Variants in DSCAM observed in about 807,000 individuals in gnomAD.
DSCAM encodes the protein DS cell adhesion molecule, also known as cell adhesion molecule DSCAM.
Under a neutral mutation model 217.7 loss-of-function variants are expected in DSCAM, and 47 were observed. That is an observed-to-expected ratio of 0.22 (90% CI 0.17 to 0.28). The LOEUF is 0.28. DSCAM is among the 10% of genes least tolerant of loss of function. The probability of loss-of-function intolerance (pLI) is 1.00; values close to 1 mark genes in which losing one functional copy is unlikely to be tolerated. For missense variants in DSCAM, 2,080 were observed against 2,618.3 expected (o/e 0.79, Z 4.49); for synonymous variants, 1,056 against 1,015.3 (o/e 1.04, Z -0.76).
chr21:40,182,614 GAAC>G (rs2090825293), intron 14 of DSCAM, among the ~76,000 whole-genome samples: 26 of 136,138 alleles, frequency 1.9e-4, no homozygotes, highest in Admixed American at 4.3e-4. Flanking sequence ...ACCGTGGACA[GAAC>G]GGGCCACCAG....
intron 3 of DSCAM, among the ~76,000 whole-genome samples, chr21:40,405,172 G>A (rs1392148261): frequency 6.6e-6 from 1 of 152,138 alleles, no homozygotes; most frequent in Non-Finnish European, 1.5e-5. Context: ...TTTTCATACT[G>A]AGTGATGCTT....
intron 1 of DSCAM, among the ~76,000 whole-genome samples, chr21:40,728,289 A>G (rs760045315): frequency 6.6e-5 from 10 of 152,226 alleles, no homozygotes; most frequent in Non-Finnish European, 1.2e-4. Context: ...AGTTTCTAGC[A>G]TGTAGCAAAG....
chr21:40,127,173 C>G (rs1038410463), intron 19 of DSCAM, among the ~76,000 whole-genome samples: 2 of 152,096 alleles, frequency 1.3e-5, no homozygotes, highest in African/African-American at 4.8e-5. Flanking sequence ...ATTTATTGTT[C>G]TCTGTACAGT....
At chr21:40,212,136 A>G (rs189394781) in intron 11 of DSCAM, among the ~76,000 whole-genome samples, 29 of 151,734 alleles carry the variant, frequency 1.9e-4, no homozygotes, top group Admixed American at 4.6e-4. Flanking sequence ...CGCCTGGCTA[A>G]TTTTTTTATT....
chr21:40,442,506 A>ATTTTTTTTTTTT (rs869234676), intron 3 of DSCAM, among the ~76,000 whole-genome samples: 6 of 107,130 alleles, frequency 5.6e-5, no homozygotes, highest in African/African-American at 1.0e-4. Context: ...AAGACCCCTA[A>ATTTTTTTTTTTT]TTTTTTTTTT....
At chr21:40,154,778 G>A (rs1247505037) in intron 16 of DSCAM, among the ~76,000 whole-genome samples, 1 of 152,176 alleles carries the variant, frequency 6.6e-6, no homozygotes, top group African/African-American at 2.4e-5. Context: ...CAAAGGGGCT[G>A]TGCAATTTCA....
At chr21:40,499,682 A>C (rs1213392215) in intron 3 of DSCAM, among the ~76,000 whole-genome samples, 1 of 152,264 alleles carries the variant, frequency 6.6e-6, no homozygotes, top group Non-Finnish European at 1.5e-5. Context: ...AAATGCAATT[A>C]AATTTAGCAA....
At chr21:40,039,460 A>G (rs1331669416) in intron 32 of DSCAM, among the ~76,000 whole-genome samples, 1 of 152,216 alleles carries the variant, frequency 6.6e-6, no homozygotes, top group African/African-American at 2.4e-5. Flanking sequence ...TGTCACAAGC[A>G]TGATATATTC....
At chr21:40,693,587 A>T (rs1568988590) in intron 2 of DSCAM, among the ~76,000 whole-genome samples, 1 of 151,650 alleles carries the variant, frequency 6.6e-6, no homozygotes, top group African/African-American at 2.4e-5. Flanking sequence ...GCCGAGGAAG[A>T]TTTTTTTTTC....
At chr21:40,584,199 C>T (rs461728) in intron 3 of DSCAM, among the ~76,000 whole-genome samples, 31,672 of 152,104 alleles carry the variant, frequency 0.21, 3,468 homozygotes, top group East Asian at 0.27. Context: ...GGTTCCGCTC[C>T]TTGGTGTTAC....
At chr21:40,536,027 G>A (rs1030137679) in intron 3 of DSCAM, among the ~76,000 whole-genome samples, 19 of 152,218 alleles carry the variant, frequency 1.2e-4, no homozygotes, top group Non-Finnish European at 1.9e-4. Context: ...CCACTGCAGT[G>A]CAGTGTTGAG....
intron 3 of DSCAM, among the ~76,000 whole-genome samples, chr21:40,604,236 ACTT>A: frequency 6.6e-6 from 1 of 152,004 alleles, no homozygotes; most frequent in East Asian, 1.9e-4. Flanking sequence ...CATCAAAGGC[ACTT>A]TTTATTTCTG....
At chr21:40,150,232 A>T (rs1316780932) in intron 16 of DSCAM, among the ~76,000 whole-genome samples, 2 of 152,246 alleles carry the variant, frequency 1.3e-5, no homozygotes, top group Non-Finnish European at 2.9e-5. Context: ...TTAACCGCTC[A>T]TAGAGCCTCA....
At chr21:40,410,477 G>A (rs927711476) in intron 3 of DSCAM, among the ~76,000 whole-genome samples, 2 of 151,890 alleles carry the variant, frequency 1.3e-5, no homozygotes, top group Admixed American at 6.6e-5. Context: ...AGGGAGTATT[G>A]AAATAAATAG....
In DSCAM at chr21:40,012,175, A is replaced by C. The variant is rs2088067651; in HGVS notation, c.*859T>G. The C allele has an allele frequency of 6.6e-6, 1 of 152,166 alleles. No individual in the cohort carries two copies. Among genetic ancestry groups the C allele is most frequent in the East Asian group, 1.9e-4 (1 of 5,182 alleles). 9.4% of individuals were successfully genotyped at this position (152,166 alleles called of 1,614,324 possible). On this transcript the variant is annotated 3_prime_UTR_variant, in exon 33 of 33. Transcript: ENST00000400454. ...CAGAGCTTTGCGACGGGCTTCGAAT[A>C]CTTGGGCTGGCCTCTGGTTGCGGTG...
At chr21:40,521,844 T>C (rs565501658) in intron 3 of DSCAM, among the ~76,000 whole-genome samples, 7 of 152,274 alleles carry the variant, frequency 4.6e-5, no homozygotes, top group Admixed American at 3.3e-4. Context: ...ATAGCTGTCA[T>C]AGAGGATTTT....
intron 3 of DSCAM, among the ~76,000 whole-genome samples, chr21:40,490,339 A>T (rs1488016346): frequency 1.3e-5 from 2 of 152,186 alleles, no homozygotes; most frequent in African/African-American, 4.8e-5. Flanking sequence ...CAATAAATAC[A>T]GTATTTTTTT....
rs114122195 is a variant in DSCAM, at chr21:40,193,612, C to T, written c.2357-4374G>A. Among the ~76,000 whole-genome samples the T allele has an allele frequency of 7.0e-3, 1,059 of 152,266 alleles. 17 individuals are homozygous for T. Among genetic ancestry groups the T allele is most frequent in the African/African-American group, 0.025 (1,020 of 41,520 alleles). On this transcript the variant is annotated intron_variant, in intron 11 of 32. Transcript: ENST00000400454. ...TGAGTGTCCTGATTCCTGCAACACC[C>T]TCATCCTTAGAATAAAATATAGAAA...
intron 11 of DSCAM, among the ~76,000 whole-genome samples, chr21:40,223,232 G>T (rs146190313): frequency 6.6e-6 from 1 of 152,332 alleles, no homozygotes; most frequent in Non-Finnish European, 1.5e-5. Flanking sequence ...TCCCCAGGCT[G>T]CAGGGCCCTG....
Sources: gnomAD v4.1 joint callset for allele counts (sites outside exome capture counted in the v4.1 genomes callset) on GRCh38, gnomAD v4.1.1 for gene constraint, MANE v1.5 for transcripts, NCBI Gene and HGNC (gene_info 2026-07-23, HGNC 2026-07-21) for gene names.